Variants in FAM13A observed in about 807,000 individuals in gnomAD.
The protein encoded by FAM13A is family with sequence similarity 13 member A.
FAM13A carries 76 observed loss-of-function variants against 129.6 expected under a neutral mutation model. The observed-to-expected ratio is 0.59, with a 90% CI of 0.49 to 0.71. FAM13A has a LOEUF of 0.71. FAM13A is among the 30% of genes least tolerant of loss of function. The pLI, the probability that FAM13A is intolerant of heterozygous loss-of-function variation, is 0.00. For synonymous variants in FAM13A, 443 were observed against 449.9 expected (o/e 0.98, Z 0.20); for missense variants, 1,108 against 1,249.3 (o/e 0.89, Z 1.70).
At chr4:88,788,296 T>A (rs1050732191) in intron 9 of FAM13A, among the ~76,000 whole-genome samples, 1 of 152,168 alleles carries the variant, frequency 6.6e-6, no homozygotes, top group Non-Finnish European at 1.5e-5. Context: ...GTAGACCTAT[T>A]CTTACAAAGG....
At chr4:88,973,863 A>G (rs954029052) in intron 4 of FAM13A, among the ~76,000 whole-genome samples, 2 of 152,146 alleles carry the variant, frequency 1.3e-5, no homozygotes, top group African/African-American at 4.8e-5. Flanking sequence ...TGTAAACTTC[A>G]CAAGTGATTC....
Position 88,726,917 on chromosome 4 carries a change from T to C in FAM13A, c.*1616A>G, listed in dbSNP as rs1348380363. On this transcript the variant is annotated 3_prime_UTR_variant, in exon 24 of 24. Coordinates refer to ENST00000264344, the MANE Select transcript of FAM13A (RefSeq NM_014883.4). ...AAGAGCAAACTTAAAGGCATTCTTT[T>C]TCCCCATCCTTAACATTCAGCTGAC... The C allele has an allele frequency of 6.6e-6, 1 of 152,622 alleles. No homozygotes were observed. Among genetic ancestry groups the C allele is most frequent in the Non-Finnish European group, 1.5e-5 (1 of 68,044 alleles). 9.5% of individuals were successfully genotyped at this position (152,622 alleles called of 1,614,324 possible). A position where few individuals can be genotyped will look rare whatever the true frequency, so the allele number is the denominator to read the frequency against.
intron 4 of FAM13A, among the ~76,000 whole-genome samples, chr4:88,962,881 C>T (rs554991923): frequency 2.0e-5 from 3 of 152,126 alleles, no homozygotes; most frequent in East Asian, 1.9e-4. Flanking sequence ...TAAAGATTAA[C>T]GTTAGTTGAC....
chr4:88,785,539 G>C (rs1240236126), intron 10 of FAM13A, among the ~76,000 whole-genome samples: 2 of 152,068 alleles, frequency 1.3e-5, no homozygotes, highest in Non-Finnish European at 2.9e-5. Context: ...CAGCCTGCTG[G>C]AAAACTATTT....
At chr4:88,857,679 A>T (rs1738773907) in intron 6 of FAM13A, among the ~76,000 whole-genome samples, 2 of 151,688 alleles carry the variant, frequency 1.3e-5, no homozygotes, top group South Asian at 4.2e-4. Flanking sequence ...AGATCAAATC[A>T]ATTACAGGTT....
intron 1 of FAM13A, among the ~76,000 whole-genome samples, chr4:89,042,718 G>T (rs1193084954): frequency 6.6e-6 from 1 of 151,712 alleles, no homozygotes; most frequent in African/African-American, 2.4e-5. Flanking sequence ...TTTAAGAAAA[G>T]ATTTTTAAAA....
At chr4:88,827,929 A>G (rs1464625424) in intron 7 of FAM13A, among the ~76,000 whole-genome samples, 3 of 152,026 alleles carry the variant, frequency 2.0e-5, no homozygotes, top group Non-Finnish European at 4.4e-5. Flanking sequence ...ATTAACCCCA[A>G]TTTGCCTCTC....
chr4:88,849,881 A>G (rs1162010985), intron 7 of FAM13A, among the ~76,000 whole-genome samples: 1 of 152,180 alleles, frequency 6.6e-6, no homozygotes. Context: ...CTTATCTCCA[A>G]CTAATTCCAG....
rs566770200 is a variant in FAM13A, at chr4:88,872,842, C to T, written c.844-21659G>A. ...TCAAATCAACAGAATATACATTCTT[C>T]TCAGCACCACATCACACATATTCAA... On this transcript the variant is annotated intron_variant, in intron 6 of 23. Coordinates refer to ENST00000264344, the MANE Select transcript of FAM13A (RefSeq NM_014883.4). Among the ~76,000 whole-genome samples the T allele has an allele frequency of 8.5e-5, 13 of 152,276 alleles. No homozygotes were observed. The South Asian group carries it at 2.7e-3, about 32-fold the overall frequency.
chr4:88,825,822 T>C (rs1334928805), intron 7 of FAM13A, among the ~76,000 whole-genome samples: 1 of 66,120 alleles, frequency 1.5e-5, no homozygotes, highest in African/African-American at 1.6e-4. Flanking sequence ...ACATAAAATG[T>C]CAATTTTTTT....
intron 4 of FAM13A, among the ~76,000 whole-genome samples, chr4:88,945,990 G>GTATATATATATATATATATATATA (rs199936059): frequency 1.3e-4 from 8 of 61,946 alleles, no homozygotes; most frequent in South Asian, 6.1e-4. Flanking sequence ...GTGTGTGTGT[G>GTATATATATATATATATATATATA]TATATATATA....
chr4:88,885,737 G>T (rs988311889), intron 6 of FAM13A, among the ~76,000 whole-genome samples: 1 of 150,842 alleles, frequency 6.6e-6, no homozygotes, highest in African/African-American at 2.4e-5. Flanking sequence ...CAGAGTGGGA[G>T]AAAATCTTTG....
chr4:88,984,802 C>T (rs1762044774), intron 4 of FAM13A, among the ~76,000 whole-genome samples: 1 of 152,022 alleles, frequency 6.6e-6, no homozygotes, highest in Non-Finnish European at 1.5e-5. Context: ...TAAGCACATC[C>T]CATTGCTGAT....
chr4:88,960,007 A>G (rs1277557440), intron 4 of FAM13A, among the ~76,000 whole-genome samples: 1 of 152,222 alleles, frequency 6.6e-6, no homozygotes, highest in Non-Finnish European at 1.5e-5. Context: ...AAGGCACTTA[A>G]ATCGCTTTGA....
At chr4:88,787,522 TAAC>T (rs1044980140) in intron 10 of FAM13A, among the ~76,000 whole-genome samples, 6 of 152,154 alleles carry the variant, frequency 3.9e-5, no homozygotes, top group African/African-American at 1.4e-4. Flanking sequence ...AGGTGGCTTC[TAAC>T]AACATACCAA....
At chr4:88,750,790 C>A (rs1162315081) in intron 14 of FAM13A, among the ~76,000 whole-genome samples, 153 bp from the exon 15 acceptor site, 2 of 152,182 alleles carry the variant, frequency 1.3e-5, no homozygotes, top group Non-Finnish European at 2.9e-5. Context: ...GCTAAGGACA[C>A]CGCGCCCCAA....
chr4:88,730,011 A>G (rs946982313), intron 23 of FAM13A: 1 of 152,228 alleles, frequency 6.6e-6, no homozygotes, highest in Admixed American at 6.5e-5. Flanking sequence ...ATAAAAATAT[A>G]TGAGACATAT....
chr4:88,909,856 A>G (rs577617620), intron 5 of FAM13A, among the ~76,000 whole-genome samples: 35 of 152,316 alleles, frequency 2.3e-4, no homozygotes, highest in Middle Eastern at 6.8e-3. Context: ...TTTTGTGAAC[A>G]CACACAAAGC....
At chr4:88,838,254 C>T (rs892055243) in intron 7 of FAM13A, among the ~76,000 whole-genome samples, 2 of 152,130 alleles carry the variant, frequency 1.3e-5, no homozygotes, top group African/African-American at 4.8e-5. Flanking sequence ...GTTTTGAAGA[C>T]TGCTATTGTG....
Sources: gnomAD v4.1 joint callset for allele counts (sites outside exome capture counted in the v4.1 genomes callset) on GRCh38, gnomAD v4.1.1 for gene constraint, MANE v1.5 for transcripts, NCBI Gene and HGNC (gene_info 2026-07-23, HGNC 2026-07-21) for gene names.